RALY: variants seen among roughly 807,000 people sequenced by gnomAD.
RALY encodes the protein RNA-binding protein Raly.
In RALY, 15 loss-of-function variants were observed where a neutral mutation model predicts 30.7. The ratio of observed to expected loss-of-function variants is 0.49; its 90% CI spans 0.33 to 0.75. The LOEUF (loss-of-function observed/expected upper bound fraction) is 0.75, where lower values mean the gene tolerates loss of function less well. RALY is among the 30% of genes least tolerant of loss of function. The pLI is 0.02. For synonymous variants in RALY, 177 were observed against 170.8 expected (o/e 1.04, Z -0.28); for missense variants, 339 against 414.3 (o/e 0.82, Z 1.58).
chr20:34,009,002 T>G (rs987368105), intron 1 of RALY, among the ~76,000 whole-genome samples: 4 of 152,168 alleles, frequency 2.6e-5, no homozygotes, highest in African/African-American at 9.7e-5. Context: ...AGATTAGGAC[T>G]GCCTTTCAGT....
At chr20:34,050,488 A>T (rs1197708976) in intron 2 of RALY, among the ~76,000 whole-genome samples, 3 of 152,232 alleles carry the variant, frequency 2.0e-5, no homozygotes, top group African/African-American at 7.2e-5. Flanking sequence ...GCCAGAAACT[A>T]GAGGGAGCAG....
chr20:34,077,573 G>T (rs1159217290), intron 8 of RALY: 2 of 438,630 alleles, frequency 4.6e-6, no homozygotes, highest in Non-Finnish European at 8.2e-6. Context: ...GAGCAGGGCT[G>T]GGGTGGCTTG....
At chr20:34,008,300 A>G (rs1040242409) in intron 1 of RALY, among the ~76,000 whole-genome samples, 1 of 152,226 alleles carries the variant, frequency 6.6e-6, no homozygotes, top group Non-Finnish European at 1.5e-5. Context: ...TCTGGGGAAC[A>G]TAGAATAATG....
At chr20:34,040,088 G>A (rs755525673) in intron 2 of RALY, among the ~76,000 whole-genome samples, 2 of 151,858 alleles carry the variant, frequency 1.3e-5, no homozygotes, top group African/African-American at 2.4e-5. Context: ...TCCAGCCTGG[G>A]CGACAGAGTG....
intron 2 of RALY, among the ~76,000 whole-genome samples, chr20:34,047,019 A>G (rs2032905885): frequency 6.6e-6 from 1 of 152,010 alleles, no homozygotes; most frequent in Non-Finnish European, 1.5e-5. Flanking sequence ...GGGTTTCTCC[A>G]TGTTGGTCAG....
chr20:34,039,705 C>T (rs78969044), intron 2 of RALY, among the ~76,000 whole-genome samples: 1 of 152,152 alleles, frequency 6.6e-6, no homozygotes, highest in East Asian at 1.9e-4. Context: ...CCTCATTTAA[C>T]ATTGAGAGAT....
chr20:34,045,318 G>A lies in RALY; in HGVS notation c.-10+13714G>A, dbSNP rs541152283. ...ATAAGCAGGAGTAAAATGTTAAAAA[G>A]TGGCCAGAGTAGACCTCTCTAAGGA... is the stretch of plus-strand genomic sequence containing the variant. On this transcript the variant is annotated intron_variant, in intron 2 of 9. Coordinates refer to ENST00000246194, the MANE Select transcript of RALY (RefSeq NM_016732.3). Among the ~76,000 whole-genome samples the A allele has an allele frequency of 2.0e-5, 3 of 152,302 alleles. No individual in the cohort carries two copies. In the East Asian group the frequency reaches 5.8e-4, roughly 29 times the overall value.
intron 2 of RALY, among the ~76,000 whole-genome samples, chr20:34,055,684 C>T (rs1320098087): frequency 6.6e-6 from 1 of 152,174 alleles, no homozygotes; most frequent in African/African-American, 2.4e-5. Flanking sequence ...GCACATCAGA[C>T]CCCACTGCCC....
In RALY at chr20:34,073,629, T is replaced by C; in HGVS notation, c.323T>C (p.Ile108Thr). 4 of 1,595,708 alleles carry C rather than the reference T, an allele frequency of 2.5e-6. No individual in the cohort carries two copies. Among genetic ancestry groups the C allele is most frequent in the African/African-American group, 1.3e-5 (1 of 74,630 alleles). ...GGGCTAAAGAGAGCAGCATCTGCCATATACAGGTGGGGCTGTCTGACTGTC... is the reference window on the plus strand; with the variant it reads ...GGGCTAAAGAGAGCAGCATCTGCCACATACAGGTGGGGCTGTCTGACTGTC... ...PKGLKRAASAIYSGYIFDYDY... is the reference protein window; with the variant it reads ...PKGLKRAASATYSGYIFDYDY... Residue 108 changes from isoleucine to threonine, a missense_variant, in exon 4 of 10, where the codon ATA becomes ACA. By Grantham distance (89) the Ile-to-Thr change is moderately conservative (BLOSUM62 -1). This residue lies in a region of RALY where 268 missense variants were observed against 280.6 expected (regional missense o/e 0.95). Transcript: ENST00000246194.
At chr20:34,038,259 G>T (rs1047639993) in intron 2 of RALY, among the ~76,000 whole-genome samples, 1 of 152,152 alleles carries the variant, frequency 6.6e-6, no homozygotes, top group African/African-American at 2.4e-5. Context: ...TAACTGGAAG[G>T]CAGTTCTAGG....
At position 34,080,863 on chromosome 20, in the gene RALY, AAC is replaced by A. The variant is rs2034019220; in HGVS notation, c.*964_*965del. ...CAAACCCTACATCTCAGTCTCACAA[AAC>A]ACACAAGTTCTTCACACTCCGGGCA... On this transcript the variant is annotated 3_prime_UTR_variant, in exon 10 of 10. Coordinates refer to ENST00000246194, the MANE Select transcript of RALY (RefSeq NM_016732.3). 1 of 152,234 alleles carries A rather than the reference AAC, an allele frequency of 6.6e-6. No homozygotes were observed. Among genetic ancestry groups the A allele is most frequent in the Non-Finnish European group, 1.5e-5 (1 of 68,086 alleles). 9.4% of individuals were successfully genotyped at this position (152,234 alleles called of 1,614,324 possible).
At position 34,026,567 on chromosome 20, in the gene RALY, C is replaced by T. The variant is rs1330558261; in HGVS notation, c.-92-4955C>T. Among the ~76,000 whole-genome samples, 3 of 86,192 alleles carry T rather than the reference C, an allele frequency of 3.5e-5. No homozygotes were observed. The East Asian group carries it at 1.8e-3, about 52-fold the overall frequency. The allele number at this position is 86,192 out of a possible 152,430, so 56.5% of individuals were successfully genotyped here. On this transcript the variant is annotated intron_variant, in intron 1 of 9. Coordinates refer to ENST00000246194, the MANE Select transcript of RALY (RefSeq NM_016732.3). The stretch of plus-strand genomic sequence containing the variant: ...ACAGGCGCCCGCCAGCCATGCCCAG[C>T]TAATTTTTTTTTTTTTGTATTTTTA...
At chr20:34,020,993 A>T (rs919370454) in intron 1 of RALY, among the ~76,000 whole-genome samples, 2 of 150,768 alleles carry the variant, frequency 1.3e-5, no homozygotes, top group African/African-American at 4.9e-5. Flanking sequence ...ACAGAGTCTC[A>T]CTCAGTCACC....
At chr20:34,039,878 C>T (rs2032632536) in intron 2 of RALY, among the ~76,000 whole-genome samples, 1 of 152,020 alleles carries the variant, frequency 6.6e-6, no homozygotes, top group Non-Finnish European at 1.5e-5. Context: ...TTTGGGAGGC[C>T]AAGGAGGAAG....
intron 1 of RALY, among the ~76,000 whole-genome samples, chr20:34,025,328 A>T (rs6579132): frequency 6.7e-6 from 1 of 148,150 alleles, no homozygotes; most frequent in Non-Finnish European, 1.5e-5. Context: ...TTTTAAGACA[A>T]TCTCAGTCTG....
At chr20:34,028,487 G>C (rs2032130431) in intron 1 of RALY, among the ~76,000 whole-genome samples, 1 of 151,700 alleles carries the variant, frequency 6.6e-6, no homozygotes, top group South Asian at 2.1e-4. Flanking sequence ...GGCGGATCAT[G>C]AGGTCAGGAG....
chr20:34,018,987 A>G (rs2031713732), intron 1 of RALY, among the ~76,000 whole-genome samples: 1 of 152,088 alleles, frequency 6.6e-6, no homozygotes, highest in Non-Finnish European at 1.5e-5. Context: ...TAGGGCTAGT[A>G]TTTAGGATAC....
In RALY at chr20:34,083,137, A is replaced by C. The variant is rs2034055546; in HGVS notation, c.*3232A>C. 6.6e-6 allele frequency: 1 copy of C among 152,258 alleles called. No homozygotes were observed. The highest frequency in any genetic ancestry group is 1.9e-4 in the East Asian group (1 of 5,202). 9.4% of individuals were successfully genotyped at this position (152,258 alleles called of 1,614,324 possible). ...GTTCAGTTACTGACTGTTGTATAACAAACCACCCCCAAATTTAGTAGCCTT... is the reference window on the plus strand; with the variant it reads ...GTTCAGTTACTGACTGTTGTATAACCAACCACCCCCAAATTTAGTAGCCTT... On this transcript the variant is annotated 3_prime_UTR_variant, in exon 10 of 10. Coordinates refer to ENST00000246194, the MANE Select transcript of RALY (RefSeq NM_016732.3).
intron 1 of RALY, among the ~76,000 whole-genome samples, chr20:34,021,711 AT>A (rs1449421374): frequency 6.6e-6 from 1 of 152,144 alleles, no homozygotes; most frequent in Non-Finnish European, 1.5e-5. Context: ...ATTTGCCTTT[AT>A]TAGCTGCGTG....
Sources: gnomAD v4.1 joint callset for allele counts (sites outside exome capture counted in the v4.1 genomes callset) on GRCh38, gnomAD v4.1.1 for gene constraint, gnomAD v4.1.1 regional missense constraint, MANE v1.5 for transcripts, NCBI Gene and HGNC (gene_info 2026-07-23, HGNC 2026-07-21) for gene names.